The following PMM2 variants were observed in gnomAD, a reference collection of about 807,000 sequenced individuals.
PMM2 encodes mannose-6-phosphate isomerase.
Under a neutral mutation model 33.2 loss-of-function variants are expected in PMM2, and 35 were observed. The ratio of observed to expected loss-of-function variants is 1.06; its 90% confidence interval spans 0.81 to 1.40. The LOEUF (loss-of-function observed/expected upper bound fraction) is 1.40. Among genes scored for constraint, PMM2 ranks in the 40% most tolerant of loss-of-function variants. The pLI is 0.00. For synonymous variants in PMM2, 153 were observed against 114.7 expected (o/e 1.33, Z -2.13); for missense variants, 386 against 306.0 (o/e 1.26, Z -1.95).
rs201440361 is a variant in PMM2 at position 8,813,040 on chromosome 16, C to T, written c.573C>T (p.Tyr191=). The T allele has an allele frequency of 7.4e-6, 12 of 1,613,712 alleles. No homozygotes were observed. The East Asian group carries it at 2.7e-4, about 36-fold the overall frequency. ...TTCCTGATGGATGGGACAAGAGATA[C>T]TGTCTGCGACATGTGGAAAATGACG... ...DVFPDGWDKR[Y]CLRHVENDGY... Residue 191 remains tyrosine, a synonymous_variant, in exon 7 of 8, where the codon TAC becomes TAT. Coordinates refer to ENST00000268261, the MANE Select transcript of PMM2 (RefSeq NM_000303.3).
At chr16:8,806,749 G>T in intron 4 of PMM2, 2 of 330,386 alleles carry the variant, frequency 6.1e-6, no homozygotes, top group South Asian at 3.2e-5. Context: ...GTAAATGATG[G>T]CTTATCCACA....
intron 7 of PMM2, among the ~76,000 whole-genome samples, chr16:8,837,528 G>A (rs1170794890): frequency 6.6e-6 from 1 of 151,800 alleles, no homozygotes; most frequent in East Asian, 1.9e-4. Context: ...GAGAAGGGGT[G>A]GGGGGTTCTT....
intron 7 of PMM2, among the ~76,000 whole-genome samples, chr16:8,828,217 T>G (rs2060789715): frequency 6.6e-6 from 1 of 151,662 alleles, no homozygotes; most frequent in Non-Finnish European, 1.5e-5. Context: ...GGTAAGCAGT[T>G]TTTTGTTTTT....
chr16:8,802,000 T>G, intron 2 of PMM2, 90 bp downstream of exon 2: 1 of 889,258 alleles, frequency 1.1e-6, no homozygotes, highest in Non-Finnish European at 1.8e-6. Flanking sequence ...CCTAAAACCT[T>G]GTCCCCATAT....
intron 2 of PMM2, among the ~76,000 whole-genome samples, chr16:8,803,930 C>A (rs1331181218): frequency 6.6e-6 from 1 of 151,474 alleles, no homozygotes; most frequent in Admixed American, 6.6e-5. Context: ...GTGATCTGGC[C>A]ACCTTGGCCT....
rs529726220 is a variant in PMM2 at position 8,843,887 on chromosome 16, G to T, written c.640-3837G>T. 1.9e-4 allele frequency among the ~76,000 whole-genome samples: 29 copies of T among 152,196 alleles called. No homozygotes were observed. The South Asian group carries it at 6.0e-3, about 32-fold the overall frequency. ...TGGCGAGGAGGGGAGAGGTCAGATGGGTCTGTAGAAAAGGAAGATTAGAAA... is the reference window on the plus strand; with the variant it reads ...TGGCGAGGAGGGGAGAGGTCAGATGTGTCTGTAGAAAAGGAAGATTAGAAA... On this transcript the variant is annotated intron_variant, in intron 7 of 7. Transcript: ENST00000268261.
chr16:8,813,722 A>G (rs1222982859), intron 7 of PMM2, among the ~76,000 whole-genome samples: 3 of 152,084 alleles, frequency 2.0e-5, no homozygotes, highest in African/African-American at 7.2e-5. Context: ...GGAGGAATAC[A>G]TAGAAGAAAT....
intron 7 of PMM2, among the ~76,000 whole-genome samples, chr16:8,827,311 A>G (rs992095174): frequency 1.1e-4 from 16 of 152,040 alleles, no homozygotes; most frequent in Admixed American, 2.6e-4. Flanking sequence ...AAGAAAGACA[A>G]ACAAAAACTC....
chr16:8,811,887 A>G (rs188620232), intron 6 of PMM2, among the ~76,000 whole-genome samples, 174 bp downstream of exon 6: 3 of 152,342 alleles, frequency 2.0e-5, no homozygotes, highest in Admixed American at 6.5e-5. Flanking sequence ...ATAATTAGCC[A>G]TAATAGGACT....
intron 1 of PMM2, among the ~76,000 whole-genome samples, chr16:8,798,584 C>T (rs2141014645): frequency 6.6e-6 from 1 of 152,276 alleles, no homozygotes; most frequent in South Asian, 2.1e-4. Context: ...ATCTCCAGCC[C>T]CTGCAATGGA....
intron 3 of PMM2, among the ~76,000 whole-genome samples, chr16:8,805,621 A>G (rs77695801): frequency 0.049 from 7,349 of 149,340 alleles, 265 homozygotes; most frequent in Middle Eastern, 0.15. Context: ...TCGTGGTGGA[A>G]TCTCACTCTT....
chr16:8,828,387 C>G (rs1420300728), intron 7 of PMM2, among the ~76,000 whole-genome samples: 4 of 152,136 alleles, frequency 2.6e-5, no homozygotes, highest in African/African-American at 9.7e-5. Context: ...ATTCCGTAAG[C>G]TGGGAACCAG....
chr16:8,812,812 A>G lies in PMM2; in HGVS notation c.524-179A>G, dbSNP rs572987616. ...CTATGTGAAATAATGCTGGAAAAAAACAATGTAGAATTAATTTCTAGAACC... is the reference window on the plus strand; with the variant it reads ...CTATGTGAAATAATGCTGGAAAAAAGCAATGTAGAATTAATTTCTAGAACC... On this transcript the variant is annotated intron_variant, in intron 6 of 7. Transcript: ENST00000268261. 5.9e-5 allele frequency among the ~76,000 whole-genome samples: 9 copies of G among 152,372 alleles called. No homozygotes were observed. In the South Asian group the frequency reaches 1.9e-3, roughly 32 times the overall value.
chr16:8,800,898 G>T (rs994734494), intron 1 of PMM2, among the ~76,000 whole-genome samples: 2 of 152,194 alleles, frequency 1.3e-5, no homozygotes, highest in Non-Finnish European at 2.9e-5. Flanking sequence ...TGGCCAGGCT[G>T]ATCTCGAACT....
At chr16:8,839,588 C>G (rs1450052465) in intron 7 of PMM2, among the ~76,000 whole-genome samples, 2 of 151,928 alleles carry the variant, frequency 1.3e-5, no homozygotes, top group African/African-American at 4.8e-5. Flanking sequence ...GGGAAAGTAG[C>G]CAAGGATGGA....
chr16:8,845,265 C>T (rs1218831594), intron 7 of PMM2, among the ~76,000 whole-genome samples: 1 of 152,116 alleles, frequency 6.6e-6, no homozygotes, highest in African/African-American at 2.4e-5. Context: ...AAAGAACCTT[C>T]TTAAGGGTGG....
Position 8,847,694 on chromosome 16 carries a change from AGCCTT to A in PMM2, c.640-29_640-25del, listed in dbSNP as rs1481887316. The A allele has an allele frequency of 2.0e-6, 3 of 1,500,366 alleles. No individual in the cohort carries two copies. In the African/African-American group the frequency reaches 4.1e-5, roughly 21 times the overall value. 92.9% of individuals were successfully genotyped at this position (1,500,366 alleles called of 1,614,324 possible). A position where few individuals can be genotyped will look rare whatever the true frequency, so the allele number is the denominator to read the frequency against. On this transcript the variant is annotated intron_variant, in intron 7 of 7. Transcript: ENST00000268261. ...CAATGGCCCGGGACAGACGAGGGGG[AGCCTT>A]CATCTGTACTTCGTGTCTTTCCAGG...
intron 3 of PMM2, among the ~76,000 whole-genome samples, chr16:8,805,120 C>T (rs895274298): frequency 6.6e-6 from 1 of 152,154 alleles, no homozygotes; most frequent in Non-Finnish European, 1.5e-5. Flanking sequence ...TGCAGCGGCA[C>T]GATCTCAGCT....
intron 7 of PMM2, among the ~76,000 whole-genome samples, chr16:8,845,447 G>C (rs1265342147): frequency 6.6e-6 from 1 of 152,154 alleles, no homozygotes; most frequent in African/African-American, 2.4e-5. Flanking sequence ...CTTGGGCTCA[G>C]AGGCCTGACA....
Sources: gnomAD v4.1 joint callset for allele counts (sites outside exome capture counted in the v4.1 genomes callset) on GRCh38, gnomAD v4.1.1 for gene constraint, MANE v1.5 for transcripts, NCBI Gene and HGNC (gene_info 2026-07-23, HGNC 2026-07-21) for gene names.